Variants in THSD4 observed in about 807,000 individuals in gnomAD.
The protein encoded by THSD4 is thrombospondin type 1 domain containing 4, also known as thrombospondin type-1 domain-containing protein 4.
Under a neutral mutation model 119.0 loss-of-function variants are expected in THSD4, and 69 were observed. The observed-to-expected ratio is 0.58, with a 90% CI of 0.48 to 0.71. THSD4 has a LOEUF of 0.71. THSD4 is among the 30% of genes least tolerant of loss of function. The probability of loss-of-function intolerance (pLI) is 0.00; values close to 1 mark genes in which losing one functional copy is unlikely to be tolerated. For missense variants in THSD4, 1,393 were observed against 1,391.1 expected (o/e 1.00, Z -0.02); for synonymous variants, 524 against 540.4 (o/e 0.97, Z 0.42).
rs1279659907 is a variant in THSD4, at chr15:71,783,258, A to G, written c.*5884A>G. On this transcript the variant is annotated 3_prime_UTR_variant, in exon 18 of 18. Coordinates refer to ENST00000261862, the MANE Select transcript of THSD4 (RefSeq NM_024817.3). ...TTATTTTTATTATTGTAAAGATACA[A>G]TAAACCGGTTGAAATATCTGCTTTG... is the stretch of plus-strand genomic sequence containing the variant. 6.6e-6 allele frequency: 1 copy of G among 152,366 alleles called. No individual in the cohort carries two copies. The highest frequency in any genetic ancestry group is 6.5e-5 in the Admixed American group (1 of 15,312). 9.4% of individuals were successfully genotyped at this position (152,366 alleles called of 1,614,324 possible). A position where few individuals can be genotyped will look rare whatever the true frequency, so the allele number is the denominator to read the frequency against.
chr15:71,402,643 G>C (rs1217917410), intron 6 of THSD4, among the ~76,000 whole-genome samples: 1 of 152,166 alleles, frequency 6.6e-6, no homozygotes, highest in African/African-American at 2.4e-5. Flanking sequence ...TTGTACCAGA[G>C]GACCAGTTGT....
chr15:71,201,159 C>A (rs1164357443), intron 3 of THSD4, among the ~76,000 whole-genome samples: 1 of 151,584 alleles, frequency 6.6e-6, no homozygotes, highest in African/African-American at 2.4e-5. Context: ...ATGACCAACA[C>A]TCCCAAGTGG....
intron 8 of THSD4, among the ~76,000 whole-genome samples, chr15:71,726,290 G>A (rs980240376): frequency 1.6e-4 from 25 of 152,202 alleles, no homozygotes; most frequent in Non-Finnish European, 8.8e-5. Flanking sequence ...TGGAGTTTGG[G>A]CCACTCCAGC....
At chr15:71,637,915 C>T (rs569831273) in intron 7 of THSD4, among the ~76,000 whole-genome samples, 5 of 151,936 alleles carry the variant, frequency 3.3e-5, no homozygotes, top group East Asian at 3.9e-4. Flanking sequence ...TTAGTAGAGA[C>T]GGAGTTTCAC....
intron 3 of THSD4, among the ~76,000 whole-genome samples, chr15:71,169,263 A>G (rs980491665): frequency 8.5e-5 from 13 of 152,230 alleles, no homozygotes; most frequent in African/African-American, 3.1e-4. Flanking sequence ...CAGAATGGCT[A>G]AAATAAAAAA....
At chr15:71,524,587 CTTTTTTTTTTTTTT>C (rs71438517) in intron 7 of THSD4, among the ~76,000 whole-genome samples, 3 of 59,522 alleles carry the variant, frequency 5.0e-5, no homozygotes, top group South Asian at 8.9e-4. Flanking sequence ...GTTTATGCCT[CTTTTTTTTTTTTTT>C]TTTTTTTTTT....
intron 7 of THSD4, among the ~76,000 whole-genome samples, chr15:71,433,150 C>G (rs8031078): frequency 0.02 from 3,005 of 151,628 alleles, 56 homozygotes; most frequent in African/African-American, 0.045. Context: ...GGCATATTTA[C>G]TAGTAAGTTT....
At chr15:71,715,023 C>T (rs2052580539) in intron 8 of THSD4, among the ~76,000 whole-genome samples, 1 of 152,104 alleles carries the variant, frequency 6.6e-6, no homozygotes, top group Non-Finnish European at 1.5e-5. Flanking sequence ...ACTCCAGAGA[C>T]ATAAGTGGGT....
chr15:71,759,957 A>G (rs2053603223), intron 15 of THSD4, among the ~76,000 whole-genome samples: 1 of 152,218 alleles, frequency 6.6e-6, no homozygotes, highest in Non-Finnish European at 1.5e-5. Flanking sequence ...TAAGGATGTC[A>G]GGGCCTGCTG....
intron 6 of THSD4, among the ~76,000 whole-genome samples, chr15:71,274,986 G>A (rs1023111645): frequency 2.0e-5 from 3 of 151,980 alleles, no homozygotes; most frequent in Admixed American, 1.3e-4. Flanking sequence ...ACTGAGACCC[G>A]ATCCTATTGT....
intron 6 of THSD4, among the ~76,000 whole-genome samples, chr15:71,344,928 T>C (rs567079644): frequency 1.5e-4 from 23 of 152,068 alleles, no homozygotes; most frequent in Non-Finnish European, 2.6e-4. Context: ...CCTTTAGATA[T>C]GATGACAGAA....
intron 1 of THSD4, among the ~76,000 whole-genome samples, chr15:71,138,138 G>A (rs2141368450): frequency 6.6e-6 from 1 of 152,256 alleles, no homozygotes; most frequent in East Asian, 1.9e-4. Flanking sequence ...AGATTTAATT[G>A]ACTCATAGTT....
chr15:71,457,705 G>A (rs556756078), intron 7 of THSD4, among the ~76,000 whole-genome samples: 1 of 152,060 alleles, frequency 6.6e-6, no homozygotes, highest in Non-Finnish European at 1.5e-5. Flanking sequence ...CTGTTCAGAG[G>A]GTCATCTTCT....
Position 71,661,040 on chromosome 15 carries a change from G to A in THSD4, c.1357+306G>A, listed in dbSNP as rs552493270. Among the ~76,000 whole-genome samples, 10 of 152,342 alleles carry A rather than the reference G, an allele frequency of 6.6e-5. No homozygotes were observed. In the South Asian group the frequency reaches 2.1e-3, roughly 32 times the overall value. On this transcript the variant is annotated intron_variant, in intron 8 of 17. Transcript: ENST00000261862. Reference sequence around the variant, plus strand: ...CCCAAATTATTGCTCTGAGATGGGAGAAGCTCTTTGCAAAGCGCGGAGACC... The same window carrying A: ...CCCAAATTATTGCTCTGAGATGGGAAAAGCTCTTTGCAAAGCGCGGAGACC...
At chr15:71,385,687 A>C (rs2046286700) in intron 6 of THSD4, among the ~76,000 whole-genome samples, 1 of 152,252 alleles carries the variant, frequency 6.6e-6, no homozygotes, top group Admixed American at 6.5e-5. Flanking sequence ...TTACAAAGCC[A>C]AATTCCTAAA....
chr15:71,471,427 C>G (rs1472314060), intron 7 of THSD4, among the ~76,000 whole-genome samples: 1 of 152,080 alleles, frequency 6.6e-6, no homozygotes, highest in African/African-American at 2.4e-5. Context: ...CCACACCCCT[C>G]TTACTCACCT....
At chr15:71,553,028 C>A (rs979798875) in intron 7 of THSD4, among the ~76,000 whole-genome samples, 98 of 152,300 alleles carry the variant, frequency 6.4e-4, no homozygotes, top group African/African-American at 2.3e-3. Context: ...TACCCTCATT[C>A]TCTCCCCTAT....
intron 2 of THSD4, among the ~76,000 whole-genome samples, chr15:71,143,402 G>T (rs986221103): frequency 2.6e-5 from 4 of 152,232 alleles, no homozygotes; most frequent in Middle Eastern, 3.4e-3. Flanking sequence ...GGCCCACAGG[G>T]TCATTGTAGG....
chr15:71,524,941 G>T (rs922577375), intron 7 of THSD4, among the ~76,000 whole-genome samples: 3 of 150,584 alleles, frequency 2.0e-5, no homozygotes, highest in African/African-American at 7.3e-5. Flanking sequence ...GAACTTCCTT[G>T]CCCATGCTCC....
Sources: allele counts gnomAD v4.1 joint callset (sites outside exome capture counted in the v4.1 genomes callset), GRCh38; gene constraint gnomAD v4.1.1; transcripts MANE v1.5; gene names NCBI Gene and HGNC (gene_info 2026-07-23, HGNC 2026-07-21).